Variants in CADM2 observed in about 807,000 individuals in gnomAD.
CADM2 encodes the protein cell adhesion molecule 2.
Under a neutral mutation model 49.8 loss-of-function variants are expected in CADM2, and 12 were observed. The observed-to-expected ratio is 0.24, with a 90% CI of 0.15 to 0.39. The LOEUF is 0.39. Among genes scored for constraint, CADM2 ranks in the 10% least tolerant of loss-of-function variants. The pLI, the probability that CADM2 is intolerant of heterozygous loss-of-function variation, is 1.00. For missense variants in CADM2, 378 were observed against 492.3 expected, an observed-to-expected ratio of 0.77 and a Z score of 2.20; for synonymous variants, 214 against 175.4, an observed-to-expected ratio of 1.22 and a Z score of -1.74.
chr3:85,195,607 G>A (rs1292232610), intron 1 of CADM2, among the ~76,000 whole-genome samples: 7 of 151,574 alleles, frequency 4.6e-5, no homozygotes, highest in African/African-American at 1.5e-4. Context: ...TGTCAGTAGA[G>A]CCACAATATC....
At chr3:85,680,160 C>T (rs2065998802) in intron 1 of CADM2, among the ~76,000 whole-genome samples, 1 of 151,822 alleles carries the variant, frequency 6.6e-6, no homozygotes, top group Non-Finnish European at 1.5e-5. Flanking sequence ...TCCAAATACT[C>T]CCTGAATTTA....
At chr3:85,965,315 A>G (rs921507197) in intron 8 of CADM2, among the ~76,000 whole-genome samples, 10 of 141,796 alleles carry the variant, frequency 7.1e-5, no homozygotes, top group African/African-American at 2.6e-4. Flanking sequence ...TATTATGATA[A>G]ATATTATTAC....
At chr3:85,596,157 A>G (rs2063233708) in intron 1 of CADM2, among the ~76,000 whole-genome samples, 1 of 151,750 alleles carries the variant, frequency 6.6e-6, no homozygotes, top group Admixed American at 6.6e-5. Flanking sequence ...GTTTATTTAT[A>G]TATTTTATTT....
At chr3:86,014,287 T>C (rs1047786660) in intron 8 of CADM2, 9 of 1,342,088 alleles carry the variant, frequency 6.7e-6, no homozygotes, top group Middle Eastern at 1.9e-4. Flanking sequence ...GTTACTATTG[T>C]TGTTCTTAAA....
At position 85,940,164 on chromosome 3, in the gene CADM2, CAAAAAAAAA is replaced by C. The variant is rs10527231; in HGVS notation, c.791+4325_791+4333del. ...TGAAACCCCATCTCTACTAAAAATA[CAAAAAAAAA>C]AAAAAAAAAAAAAAAAATAGCCGGG... On this transcript the variant is annotated intron_variant, in intron 7 of 9. Transcript: ENST00000383699. Among the ~76,000 whole-genome samples, 14 of 52,172 alleles carry C rather than the reference CAAAAAAAAA, an allele frequency of 2.7e-4. No individual in the cohort carries two copies. The South Asian group carries it at 2.8e-3, about 10-fold the overall frequency. The allele number at this position is 52,172 out of a possible 152,430, so 34.2% of individuals were successfully genotyped here.
intron 2 of CADM2, among the ~76,000 whole-genome samples, chr3:85,742,538 G>C (rs765483636): frequency 6.6e-6 from 1 of 151,984 alleles, no homozygotes; most frequent in Non-Finnish European, 1.5e-5. Context: ...TTATAAATGA[G>C]GTATAAATTG....
chr3:85,592,824 A>G (rs567130884), intron 1 of CADM2, among the ~76,000 whole-genome samples: 8 of 151,720 alleles, frequency 5.3e-5, no homozygotes, highest in African/African-American at 1.4e-4. Context: ...CATCTACATT[A>G]GATATTTCTC....
At chr3:85,343,263 A>T (rs550850391) in intron 1 of CADM2, among the ~76,000 whole-genome samples, 6 of 152,220 alleles carry the variant, frequency 3.9e-5, no homozygotes, top group African/African-American at 1.4e-4. Context: ...CCTCACAACA[A>T]CCCTTAGGAT....
At chr3:86,031,828 A>G (rs1734594557) in intron 8 of CADM2, among the ~76,000 whole-genome samples, 2 of 151,784 alleles carry the variant, frequency 1.3e-5, no homozygotes, top group Admixed American at 1.3e-4. Context: ...CCTCTAGGGA[A>G]TATTGAATAA....
chr3:85,097,976 T>C lies in CADM2; in HGVS notation c.61+138308T>C, dbSNP rs563514638. ...TGTACCTGAGGATTGTGGAATAAAC[T>C]CTTTTTCAGACATAAATTGGGGAAA... On this transcript the variant is annotated intron_variant, in intron 1 of 9. Transcript: ENST00000383699. Among the ~76,000 whole-genome samples, 23 of 152,304 alleles carry C rather than the reference T, an allele frequency of 1.5e-4. 1 individual carries two copies. The highest frequency in any genetic ancestry group is 7.2e-4 in the Admixed American group (11 of 15,294).
At chr3:85,810,541 T>A (rs1416838448) in intron 3 of CADM2, among the ~76,000 whole-genome samples, 1 of 132,710 alleles carries the variant, frequency 7.5e-6, no homozygotes, top group African/African-American at 3.3e-5. Flanking sequence ...TGTTTTTTTT[T>A]TTTTTTTTTT....
At chr3:85,697,265 T>A (rs1484814760) in intron 1 of CADM2, among the ~76,000 whole-genome samples, 1 of 151,886 alleles carries the variant, frequency 6.6e-6, no homozygotes, top group Non-Finnish European at 1.5e-5. Flanking sequence ...TGAATCCACA[T>A]AATATTCCCA....
intron 2 of CADM2, among the ~76,000 whole-genome samples, chr3:85,747,936 G>A (rs528062621): frequency 9.9e-5 from 15 of 152,018 alleles, no homozygotes; most frequent in Admixed American, 1.3e-4. Context: ...ATGAGGAGGC[G>A]TACTAATTGA....
intron 8 of CADM2, among the ~76,000 whole-genome samples, chr3:86,019,205 T>A (rs1211986832): frequency 1.5e-5 from 2 of 137,368 alleles, no homozygotes; most frequent in African/African-American, 5.6e-5. Context: ...AGGCGTTATT[T>A]CTGAGGGCTC....
intron 1 of CADM2, among the ~76,000 whole-genome samples, chr3:85,628,731 CA>C (rs1193559053): frequency 6.7e-6 from 1 of 149,790 alleles, no homozygotes; most frequent in Non-Finnish European, 1.5e-5. Flanking sequence ...AATATTTATA[CA>C]CTATACTCAT....
intron 1 of CADM2, among the ~76,000 whole-genome samples, chr3:85,271,290 C>T (rs1352342506): frequency 6.7e-6 from 1 of 148,702 alleles, no homozygotes; most frequent in Non-Finnish European, 1.5e-5. Context: ...TATTTATTTG[C>T]AGAAATAAAT....
chr3:85,137,062 A>G (rs1427614424), intron 1 of CADM2, among the ~76,000 whole-genome samples: 1 of 151,976 alleles, frequency 6.6e-6, no homozygotes, highest in Non-Finnish European at 1.5e-5. Context: ...ATCATAATAC[A>G]AAAGCATAAA....
chr3:84,980,756 G>T (rs1346947785), intron 1 of CADM2, among the ~76,000 whole-genome samples: 2 of 152,086 alleles, frequency 1.3e-5, no homozygotes, highest in Non-Finnish European at 2.9e-5. Flanking sequence ...TTAGAAATGA[G>T]AATTGTGATA....
At chr3:85,881,538 G>A (rs1358873496) in intron 3 of CADM2, among the ~76,000 whole-genome samples, 1 of 152,118 alleles carries the variant, frequency 6.6e-6, no homozygotes, top group African/African-American at 2.4e-5. Flanking sequence ...CCCTGTTAAG[G>A]TATAACATGC....
Sources: allele counts gnomAD v4.1 joint callset (sites outside exome capture counted in the v4.1 genomes callset), GRCh38; gene constraint gnomAD v4.1.1; transcripts MANE v1.5; gene names NCBI Gene and HGNC (gene_info 2026-07-23, HGNC 2026-07-21).